MGMT: variants seen among roughly 807,000 people sequenced by gnomAD.
MGMT encodes O-6-methylguanine-DNA methyltransferase, also known as methylated-DNA--protein-cysteine methyltransferase.
MGMT carries 14 observed loss-of-function variants against 15.9 expected under a neutral mutation model. The observed-to-expected ratio is 0.88, with a 90% CI of 0.58 to 1.37. The LOEUF (loss-of-function observed/expected upper bound fraction) is 1.37. Ranked by LOEUF, MGMT falls within the 40% of genes most tolerant of loss-of-function variation. The probability of loss-of-function intolerance (pLI) is 0.00; values close to 1 mark genes in which losing one functional copy is unlikely to be tolerated. For synonymous variants in MGMT, 130 were observed against 118.2 expected, an observed-to-expected ratio of 1.10 and a Z score of -0.65; for missense variants, 282 against 268.1, an observed-to-expected ratio of 1.05 and a Z score of -0.36.
intron 2 of MGMT, among the ~76,000 whole-genome samples, chr10:129,678,755 C>T (rs1847814445): frequency 6.6e-6 from 1 of 152,088 alleles, no homozygotes; most frequent in South Asian, 2.1e-4. Flanking sequence ...TGGTCCAGTG[C>T]ATGTGGTGCT....
intron 2 of MGMT, among the ~76,000 whole-genome samples, chr10:129,557,178 T>C (rs76757389): frequency 0.033 from 4,977 of 152,306 alleles, 130 homozygotes; most frequent in South Asian, 0.064. Flanking sequence ...TCAGAAAGCA[T>C]GTGCTAATTT....
rs1351936166 is a variant in MGMT, at chr10:129,476,308, C to T, written c.-13+9012C>T. Among the ~76,000 whole-genome samples the T allele has an allele frequency of 2.0e-5, 3 of 152,308 alleles. No homozygotes were observed. The East Asian group carries it at 5.8e-4, about 29-fold the overall frequency. On this transcript the variant is annotated intron_variant, in intron 1 of 4. Transcript: ENST00000651593. ...ATTGTTTGTCACTCCAGAAAGCCTT[C>T]AGGGTCATGGTTCTCACTTCCTCAG...
At chr10:129,593,655 T>A (rs1299870760) in intron 2 of MGMT, among the ~76,000 whole-genome samples, 2 of 152,168 alleles carry the variant, frequency 1.3e-5, no homozygotes, top group African/African-American at 2.4e-5. Flanking sequence ...CAACAATGGG[T>A]GGCTGAGGCG....
At chr10:129,657,771 G>A (rs1030857903) in intron 2 of MGMT, among the ~76,000 whole-genome samples, 42 of 151,102 alleles carry the variant, frequency 2.8e-4, no homozygotes, top group Non-Finnish European at 4.9e-4. Context: ...GCCTCTTAGC[G>A]TGTGTGGAGT....
chr10:129,627,187 G>T (rs959036639), intron 2 of MGMT, among the ~76,000 whole-genome samples: 1 of 152,180 alleles, frequency 6.6e-6, no homozygotes, highest in Admixed American at 6.5e-5. Flanking sequence ...CTGAAGATGG[G>T]TGTGCTGGGG....
At chr10:129,707,032 C>T (rs898791677) in intron 2 of MGMT, among the ~76,000 whole-genome samples, 3 of 152,182 alleles carry the variant, frequency 2.0e-5, no homozygotes, top group East Asian at 1.9e-4. Context: ...GGGGCCCACG[C>T]GGGCGGATCA....
At chr10:129,578,432 G>A (rs1022914974) in intron 2 of MGMT, among the ~76,000 whole-genome samples, 1 of 149,440 alleles carries the variant, frequency 6.7e-6, no homozygotes, top group Non-Finnish European at 1.5e-5. Flanking sequence ...CTATTGCAAG[G>A]ACAAAAAACC....
At chr10:129,551,003 G>A (rs1846150720) in intron 2 of MGMT, among the ~76,000 whole-genome samples, 1 of 152,184 alleles carries the variant, frequency 6.6e-6, no homozygotes, top group Non-Finnish European at 1.5e-5. Context: ...GTCAGGACAT[G>A]GAGCCATTTC....
intron 3 of MGMT, among the ~76,000 whole-genome samples, chr10:129,742,198 G>A (rs564835006): frequency 6.6e-6 from 1 of 152,346 alleles, no homozygotes; most frequent in South Asian, 2.1e-4. Flanking sequence ...GAGGTCATGT[G>A]CCTACTGGGT....
chr10:129,655,295 G>A (rs975939320), intron 2 of MGMT, among the ~76,000 whole-genome samples: 1 of 152,232 alleles, frequency 6.6e-6, no homozygotes, highest in Non-Finnish European at 1.5e-5. Context: ...TGGTGTGGAG[G>A]GGCCGCCTCC....
intron 2 of MGMT, among the ~76,000 whole-genome samples, chr10:129,598,074 G>A (rs1417384617): frequency 3.9e-5 from 6 of 152,104 alleles, no homozygotes; most frequent in Admixed American, 2.0e-4. Context: ...CTCGGTGCAC[G>A]TATTCAATGT....
At chr10:129,709,097 G>A (rs956319642) in intron 3 of MGMT, among the ~76,000 whole-genome samples, 5 of 152,224 alleles carry the variant, frequency 3.3e-5, no homozygotes, top group Non-Finnish European at 2.9e-5. Flanking sequence ...GCACCTTGCT[G>A]TCCTCTGAAT....
At chr10:129,550,809 AT>A (rs927395899) in intron 2 of MGMT, among the ~76,000 whole-genome samples, 4 of 151,834 alleles carry the variant, frequency 2.6e-5, no homozygotes, top group African/African-American at 7.3e-5. Flanking sequence ...CTAACTCCCC[AT>A]TTCTGCCAGC....
At chr10:129,564,842 C>T (rs1243012573) in intron 2 of MGMT, among the ~76,000 whole-genome samples, 1 of 151,898 alleles carries the variant, frequency 6.6e-6, no homozygotes, top group Non-Finnish European at 1.5e-5. Flanking sequence ...TCAAGGCCCT[C>T]AGGCCAGTTC....
intron 2 of MGMT, among the ~76,000 whole-genome samples, chr10:129,576,074 A>G (rs1421689970): frequency 6.6e-6 from 1 of 152,254 alleles, no homozygotes; most frequent in Non-Finnish European, 1.5e-5. Context: ...GTCCAGGACC[A>G]TATGGATTCG....
intron 1 of MGMT, among the ~76,000 whole-genome samples, chr10:129,519,680 T>C (rs3802689): frequency 0.25 from 37,816 of 152,164 alleles, 5,649 homozygotes; most frequent in African/African-American, 0.42. Flanking sequence ...ATGTGTCTCA[T>C]GCAAGAATTC....
At chr10:129,730,416 G>A (rs1848482724) in intron 3 of MGMT, among the ~76,000 whole-genome samples, 1 of 152,202 alleles carries the variant, frequency 6.6e-6, no homozygotes, top group South Asian at 2.1e-4. Context: ...CTGTGAGTCT[G>A]GGATTGTGTG....
At chr10:129,496,028 CA>C (rs1453032775) in intron 1 of MGMT, among the ~76,000 whole-genome samples, 1 of 152,196 alleles carries the variant, frequency 6.6e-6, no homozygotes, top group Non-Finnish European at 1.5e-5. Context: ...TCCCCCTGCA[CA>C]CAGCTGTCTT....
At chr10:129,727,032 G>A (rs1848441991) in intron 3 of MGMT, among the ~76,000 whole-genome samples, 1 of 152,214 alleles carries the variant, frequency 6.6e-6, no homozygotes, top group Admixed American at 6.5e-5. Flanking sequence ...AGATGAAGTT[G>A]TGACATTTGG....
Sources: gnomAD v4.1 joint callset for allele counts (sites outside exome capture counted in the v4.1 genomes callset) on GRCh38, gnomAD v4.1.1 for gene constraint, MANE v1.5 for transcripts, NCBI Gene and HGNC (gene_info 2026-07-23, HGNC 2026-07-21) for gene names.